ADAM9: variants seen among roughly 807,000 people sequenced by gnomAD.
ADAM9 encodes ADAM metallopeptidase domain 9, also known as disintegrin and metalloproteinase domain-containing protein 9.
In ADAM9, 54 loss-of-function variants were observed where a neutral mutation model predicts 108.1. That is an observed-to-expected ratio of 0.50 (90% confidence interval 0.40 to 0.63). ADAM9 has a LOEUF of 0.63. Ranked by LOEUF, ADAM9 falls within the 20% of genes least tolerant of loss-of-function variation. The pLI is 0.00. For missense variants in ADAM9, 830 were observed against 997.7 expected, an observed-to-expected ratio of 0.83 and a Z score of 2.26; for synonymous variants, 316 against 336.0, an observed-to-expected ratio of 0.94 and a Z score of 0.65.
chr8:39,023,952 G>T (rs1836839185), intron 9 of ADAM9, among the ~76,000 whole-genome samples: 1 of 151,966 alleles, frequency 6.6e-6, no homozygotes, highest in Non-Finnish European at 1.5e-5. Context: ...CACCATGTTG[G>T]CCAGGCTGGT....
At chr8:39,059,109 A>G (rs765206726) in intron 14 of ADAM9, among the ~76,000 whole-genome samples, 3 of 152,164 alleles carry the variant, frequency 2.0e-5, no homozygotes, top group African/African-American at 7.2e-5. Context: ...GCCTCATTTC[A>G]TTTGCTATCA....
intron 12 of ADAM9, among the ~76,000 whole-genome samples, chr8:39,046,268 T>G (rs1837770752): frequency 6.6e-6 from 1 of 152,212 alleles, no homozygotes. Flanking sequence ...CTTTTTGTAG[T>G]TCATTGTTAG....
rs191097193 is a variant in ADAM9 at position 39,084,279 on chromosome 8, C to T, written c.2068+1206C>T. 2.7e-5 allele frequency among the ~76,000 whole-genome samples: 4 copies of T among 149,844 alleles called. No homozygotes were observed. In the East Asian group the frequency reaches 5.8e-4, roughly 22 times the overall value. Reference sequence around the variant, plus strand: ...TATATATTTTCTCTTAGTCTGCTTACTTTGGGTTTCATTTGTTCTTTTTCT... The same window carrying T: ...TATATATTTTCTCTTAGTCTGCTTATTTTGGGTTTCATTTGTTCTTTTTCT... On this transcript the variant is annotated intron_variant, in intron 18 of 21. Coordinates refer to ENST00000487273, the MANE Select transcript of ADAM9 (RefSeq NM_003816.3).
rs768147184 is a variant in ADAM9 at position 39,055,537 on chromosome 8, A to T, written c.1396-40A>T. 11 of 1,589,810 alleles carry T rather than the reference A, an allele frequency of 6.9e-6. No individual in the cohort carries two copies. The South Asian group carries it at 1.2e-4, about 18-fold the overall frequency. ...CACATTTGATTAATTTGTGGACATT[A>T]TCCTGATATTTCTGTTTAATTTGAA... On this transcript the variant is annotated intron_variant, in intron 13 of 21. Transcript: ENST00000487273.
chr8:39,047,690 G>A (rs1161253425), intron 12 of ADAM9, among the ~76,000 whole-genome samples: 1 of 151,756 alleles, frequency 6.6e-6, no homozygotes, highest in Non-Finnish European at 1.5e-5. Context: ...TCTTAGTGTA[G>A]CTAAGATTGG....
intron 3 of ADAM9, among the ~76,000 whole-genome samples, chr8:39,013,591 C>T (rs1836429878): frequency 6.6e-6 from 1 of 150,416 alleles, no homozygotes; most frequent in African/African-American, 2.4e-5. Context: ...CAGCCTTGAA[C>T]TCCTGGGCTT....
intron 14 of ADAM9, among the ~76,000 whole-genome samples, chr8:39,067,426 A>G (rs1024131384): frequency 2.6e-5 from 4 of 152,006 alleles, no homozygotes; most frequent in African/African-American, 9.7e-5. Flanking sequence ...CTTTTATTTC[A>G]TTGAGCAGTG....
At chr8:39,102,265 A>C (rs1266996464) in intron 21 of ADAM9, among the ~76,000 whole-genome samples, 1 of 152,220 alleles carries the variant, frequency 6.6e-6, no homozygotes, top group Non-Finnish European at 1.5e-5. Context: ...CAGCTAAAAA[A>C]GCTGGACAAT....
At chr8:39,064,914 G>A (rs1363404359) in intron 14 of ADAM9, among the ~76,000 whole-genome samples, 1 of 152,152 alleles carries the variant, frequency 6.6e-6, no homozygotes, top group Non-Finnish European at 1.5e-5. Flanking sequence ...AAGCCATTCT[G>A]ATTTTTATAC....
At chr8:39,046,519 G>A (rs1464649026) in intron 12 of ADAM9, among the ~76,000 whole-genome samples, 1 of 152,114 alleles carries the variant, frequency 6.6e-6, no homozygotes, top group Non-Finnish European at 1.5e-5. Context: ...GCGAGATTGG[G>A]CATCCTTGCT....
At chr8:39,048,576 T>A (rs1021905734) in intron 12 of ADAM9, among the ~76,000 whole-genome samples, 1 of 152,178 alleles carries the variant, frequency 6.6e-6, no homozygotes, top group African/African-American at 2.4e-5. Context: ...TCTGTATATG[T>A]CTATTAGTTT....
At chr8:39,026,545 TG>T (rs1369762610) in intron 10 of ADAM9, 131 bp from the exon 11 acceptor site, 2 of 1,110,090 alleles carry the variant, frequency 1.8e-6, no homozygotes, top group African/African-American at 3.1e-5. Context: ...AGACTGTTGT[TG>T]GATGCTTGAT....
In ADAM9 at chr8:39,047,487, T is replaced by A. The variant is rs563005226; in HGVS notation, c.1302+5370T>A. Among the ~76,000 whole-genome samples, 16 of 152,322 alleles carry A rather than the reference T, an allele frequency of 1.1e-4. 1 individual carries two copies. The South Asian group carries it at 3.1e-3, about 30-fold the overall frequency. ...GATTCATATCCTTACTACTTATAGG[T>A]CTGTTCAGACTTATTTCTTTATGAT... On this transcript the variant is annotated intron_variant, in intron 12 of 21. Coordinates refer to ENST00000487273, the MANE Select transcript of ADAM9 (RefSeq NM_003816.3).
chr8:38,997,235 C>A, intron 1 of ADAM9, 75 bp downstream of exon 1: 1 of 1,490,130 alleles, frequency 6.7e-7, no homozygotes, highest in Non-Finnish European at 9.1e-7. Flanking sequence ...ACCTGTGGTG[C>A]CTGGGAGTGG....
At chr8:39,062,211 A>C (rs1052455096) in intron 14 of ADAM9, among the ~76,000 whole-genome samples, 11 of 152,180 alleles carry the variant, frequency 7.2e-5, no homozygotes, top group Non-Finnish European at 1.5e-4. Context: ...GCCCTGGTAA[A>C]AGCCATAGGT....
chr8:39,086,564 C>T (rs1040264654), intron 18 of ADAM9, among the ~76,000 whole-genome samples: 3 of 152,122 alleles, frequency 2.0e-5, no homozygotes, highest in African/African-American at 7.2e-5. Flanking sequence ...GTTGTAATAA[C>T]TGCTAATGTC....
chr8:39,050,861 CT>C (rs1837938009), intron 12 of ADAM9, among the ~76,000 whole-genome samples: 2 of 114,404 alleles, frequency 1.7e-5, no homozygotes, highest in South Asian at 5.8e-4. Context: ...TTTTTAATCA[CT>C]ATGTTAAACT....
At chr8:39,018,210 T>A (rs141042678) in intron 6 of ADAM9, among the ~76,000 whole-genome samples, 130 of 152,352 alleles carry the variant, frequency 8.5e-4, no homozygotes, top group African/African-American at 3.1e-3. Flanking sequence ...GGCATATTTT[T>A]AATTAAGTTA....
intron 9 of ADAM9, 127 bp from the exon 10 acceptor site, chr8:39,025,676 T>C: frequency 1.2e-6 from 1 of 804,738 alleles, no homozygotes; most frequent in Non-Finnish European, 2.0e-6. Flanking sequence ...TTAGAATTTT[T>C]TTTTTTTGCC....
Sources: gnomAD v4.1 joint callset for allele counts (sites outside exome capture counted in the v4.1 genomes callset) on GRCh38, gnomAD v4.1.1 for gene constraint, MANE v1.5 for transcripts, NCBI Gene and HGNC (gene_info 2026-07-23, HGNC 2026-07-21) for gene names.